UNC13B: variants seen among roughly 807,000 people sequenced by gnomAD.
UNC13B encodes protein unc-13 homolog B.
UNC13B carries 144 observed loss-of-function variants against 211.0 expected under a neutral mutation model. That is an observed-to-expected ratio of 0.68 (90% CI 0.60 to 0.78). UNC13B has a LOEUF of 0.78. Ranked by LOEUF, UNC13B falls within the 30% of genes least tolerant of loss-of-function variation. The pLI is 0.00. For missense variants in UNC13B, 1,777 were observed against 2,002.0 expected (o/e 0.89, Z 2.14); for synonymous variants, 709 against 725.8 (o/e 0.98, Z 0.37).
At chr9:35,403,132 T>TA (rs1836433838) in intron 37 of UNC13B, 35 bp from the exon 38 acceptor site, 1 of 1,604,734 alleles carries the variant, frequency 6.2e-7, no homozygotes, top group East Asian at 2.2e-5. Context: ...CCTACAGTTC[T>TA]CCAATGGGGA....
At chr9:35,322,629 G>A (rs535535659) in intron 11 of UNC13B, among the ~76,000 whole-genome samples, 3 of 152,204 alleles carry the variant, frequency 2.0e-5, no homozygotes, top group South Asian at 4.1e-4. Flanking sequence ...GCAAAGTTCC[G>A]TTCTCACTTG....
chr9:35,299,884 T>A (rs181455436), intron 8 of UNC13B, among the ~76,000 whole-genome samples: 2 of 152,158 alleles, frequency 1.3e-5, no homozygotes, highest in Non-Finnish European at 2.9e-5. Context: ...AGGCTAAAGA[T>A]GAAAAAATTA....
Position 35,399,447 on chromosome 9 carries a change from A to G in UNC13B, c.12254A>G (p.Lys4085Arg), listed in dbSNP as rs1836134227. ...GAGCTGAGCCATCTTTCCAAACTCA[A>G]GGTACTCTGGGTGTGGGGTCCTCCT... Reference protein sequence around the residue: ...AKELSHLSKLKDHMVREETRN... With the variant: ...AKELSHLSKLRDHMVREETRN... The change falls in exon 35 of 40, where the codon AAG (lysine) becomes AGG (arginine). Residue 4085 changes from lysine to arginine, a missense_variant and splice_region_variant. Transcript: ENST00000635942. The G allele has an allele frequency of 2.5e-6, 4 of 1,613,958 alleles. No individual in the cohort carries two copies. The highest frequency in any genetic ancestry group is 3.4e-6 in the Non-Finnish European group (4 of 1,179,988).
At chr9:35,326,987 A>G (rs1831054191) in intron 11 of UNC13B, among the ~76,000 whole-genome samples, 1 of 152,188 alleles carries the variant, frequency 6.6e-6, no homozygotes, top group Non-Finnish European at 1.5e-5. Context: ...TATGATTTGC[A>G]AATATTTTCT....
intron 7 of UNC13B, among the ~76,000 whole-genome samples, chr9:35,272,977 A>G (rs1308396265): frequency 6.6e-6 from 1 of 152,196 alleles, no homozygotes; most frequent in Non-Finnish European, 1.5e-5. Flanking sequence ...TGGAGTTTCA[A>G]AGAGATTTTT....
intron 2 of UNC13B, among the ~76,000 whole-genome samples, chr9:35,230,539 G>A (rs994489444): frequency 6.6e-5 from 10 of 150,426 alleles, no homozygotes; most frequent in African/African-American, 2.4e-4. Flanking sequence ...TGAGTAGATC[G>A]AGCTTGAAAT....
chr9:35,335,077 C>T (rs992262513), intron 11 of UNC13B, among the ~76,000 whole-genome samples: 4 of 152,106 alleles, frequency 2.6e-5, no homozygotes, highest in South Asian at 2.1e-4. Flanking sequence ...TGGTATTACA[C>T]GGCCCTAAGT....
intron 1 of UNC13B, among the ~76,000 whole-genome samples, chr9:35,195,365 C>G (rs548295610): frequency 6.6e-6 from 1 of 152,296 alleles, no homozygotes; most frequent in Admixed American, 6.5e-5. Flanking sequence ...CCCCTTTCCA[C>G]GCCAAACCAA....
At chr9:35,241,142 T>G (rs905510984) in intron 5 of UNC13B, among the ~76,000 whole-genome samples, 1 of 152,008 alleles carries the variant, frequency 6.6e-6, no homozygotes, top group African/African-American at 2.4e-5. Flanking sequence ...AGTATTTACA[T>G]ATGTTAGCTC....
chr9:35,212,068 A>C (rs965244615), intron 1 of UNC13B, among the ~76,000 whole-genome samples: 1 of 152,226 alleles, frequency 6.6e-6, no homozygotes, highest in African/African-American at 2.4e-5. Context: ...CTGAGTTGCA[A>C]ACTTATCTGT....
intron 1 of UNC13B, among the ~76,000 whole-genome samples, chr9:35,190,616 G>A (rs903641168): frequency 2.6e-5 from 4 of 151,900 alleles, no homozygotes; most frequent in East Asian, 1.9e-4. Flanking sequence ...CCCGGCTACC[G>A]GAAGTTATCT....
chr9:35,176,272 G>T (rs562210750), intron 1 of UNC13B, among the ~76,000 whole-genome samples: 5 of 152,186 alleles, frequency 3.3e-5, no homozygotes, highest in African/African-American at 9.6e-5. Flanking sequence ...ATTGGGCCGG[G>T]TGTGGTGGCT....
chr9:35,270,022 G>A (rs972404617), intron 7 of UNC13B, among the ~76,000 whole-genome samples: 4 of 151,858 alleles, frequency 2.6e-5, no homozygotes, highest in South Asian at 2.1e-4. Flanking sequence ...CTTTTGACAT[G>A]GCCCTATCAT....
intron 1 of UNC13B, among the ~76,000 whole-genome samples, chr9:35,197,877 T>A (rs1823033578): frequency 6.6e-6 from 1 of 152,248 alleles, no homozygotes; most frequent in Non-Finnish European, 1.5e-5. Context: ...CCTGTGGAAC[T>A]GTGAACCAAT....
intron 11 of UNC13B, among the ~76,000 whole-genome samples, chr9:35,317,006 T>C (rs1159994607): frequency 6.6e-6 from 1 of 152,130 alleles, no homozygotes; most frequent in African/African-American, 2.4e-5. Flanking sequence ...ATTAAAAAAC[T>C]TTTAAATTTG....
intron 11 of UNC13B, among the ~76,000 whole-genome samples, chr9:35,348,614 T>C (rs576676027): frequency 5.9e-5 from 9 of 152,308 alleles, no homozygotes; most frequent in African/African-American, 2.2e-4. Context: ...GCTTTAGATA[T>C]GGGTTTCCCT....
chr9:35,184,075 G>C (rs900815489), intron 1 of UNC13B, among the ~76,000 whole-genome samples: 5 of 150,350 alleles, frequency 3.3e-5, no homozygotes, highest in African/African-American at 7.4e-5. Flanking sequence ...CCCAGACGAT[G>C]GGCGGCCGAG....
At chr9:35,394,613 T>G (rs1244432204) in intron 26 of UNC13B, among the ~76,000 whole-genome samples, 1 of 152,050 alleles carries the variant, frequency 6.6e-6, no homozygotes. Flanking sequence ...ATAAGAAGTT[T>G]ATATAGACGT....
intron 1 of UNC13B, among the ~76,000 whole-genome samples, chr9:35,217,396 G>GA: frequency 7.2e-6 from 1 of 139,330 alleles, no homozygotes; most frequent in African/African-American, 2.6e-5. Flanking sequence ...TGTTTTTTTT[G>GA]TTTTTTTTTT....
Sources: allele counts gnomAD v4.1 joint callset (sites outside exome capture counted in the v4.1 genomes callset), GRCh38; gene constraint gnomAD v4.1.1; transcripts MANE v1.5; gene names NCBI Gene and HGNC (gene_info 2026-07-23, HGNC 2026-07-21).